The following JADE2 variants were observed in gnomAD, a reference collection of about 807,000 sequenced individuals.
JADE2 encodes jade family PHD finger 2, also known as E3 ubiquitin-protein ligase Jade-2.
In JADE2, 13 loss-of-function variants were observed where a neutral mutation model predicts 85.7. The ratio of observed to expected loss-of-function variants is 0.15; its 90% CI spans 0.10 to 0.24. JADE2 has a LOEUF of 0.24. Ranked by LOEUF, JADE2 falls within the 10% of genes least tolerant of loss-of-function variation. The pLI is 1.00. For synonymous variants in JADE2, 440 were observed against 456.1 expected (o/e 0.96, Z 0.45); for missense variants, 846 against 1,115.9 (o/e 0.76, Z 3.45).
chr5:134,577,180 C>T (rs1764427004), intron 11 of JADE2: 2 of 359,504 alleles, frequency 5.6e-6, no homozygotes, highest in East Asian at 1.1e-4. Context: ...GCTGGGGGGT[C>T]CTGGGTGCTG....
chr5:134,525,275 T>A (rs967558450), upstream of JADE2, among the ~76,000 whole-genome samples: 1 of 150,702 alleles, frequency 6.6e-6, no homozygotes, highest in Non-Finnish European at 1.5e-5. Context: ...GGTATGTGTG[T>A]GAGTGTGTGA....
intron 2 of JADE2, among the ~76,000 whole-genome samples, chr5:134,537,741 A>G (rs555721090): frequency 6.6e-5 from 10 of 152,054 alleles, no homozygotes; most frequent in Admixed American, 6.5e-4. Context: ...CACACATTAA[A>G]CTAATACTGA....
intron 3 of JADE2, among the ~76,000 whole-genome samples, chr5:134,542,662 G>A (rs370796689): frequency 2.9e-4 from 44 of 151,834 alleles, no homozygotes; most frequent in African/African-American, 1.0e-3. Context: ...GGGTGGTCTC[G>A]AACTCCCAAC....
At chr5:134,541,458 G>A (rs1761957369) in intron 3 of JADE2, among the ~76,000 whole-genome samples, 2 of 152,332 alleles carry the variant, frequency 1.3e-5, no homozygotes, top group Admixed American at 1.3e-4. Context: ...GGCCTTTATG[G>A]TCTGCTGAGC....
chr5:134,550,199 A>C (rs781358227), intron 3 of JADE2, among the ~76,000 whole-genome samples: 6 of 152,258 alleles, frequency 3.9e-5, no homozygotes, highest in Non-Finnish European at 5.9e-5. Flanking sequence ...ATTAAATGTT[A>C]GGGTGTTAGT....
chr5:134,562,125 C>T lies in JADE2; in HGVS notation c.685-75C>T, dbSNP rs566085194. 2 of 1,463,878 alleles carry T rather than the reference C, an allele frequency of 1.4e-6. No homozygotes were observed. The highest frequency in any genetic ancestry group is 1.9e-6 in the Non-Finnish European group (2 of 1,078,504). 90.7% of individuals were successfully genotyped at this position (1,463,878 alleles called of 1,614,324 possible). ...AGTGTAGCATGGGGCTGGCACTGGA[C>T]CAAATGCAGCTGACTGCTGACCAGA... is the stretch of plus-strand genomic sequence containing the variant. On this transcript the variant is annotated intron_variant, in intron 6 of 11. Coordinates refer to ENST00000681547, the MANE Select transcript of JADE2 (RefSeq NM_001388185.1). This position sits in a 1 kb window ranked among gnomAD's most constrained non-coding sequence, Gnocchi z 4.6.
chr5:134,563,718 C>T (rs973318755), intron 7 of JADE2, among the ~76,000 whole-genome samples: 2 of 152,192 alleles, frequency 1.3e-5, no homozygotes, highest in African/African-American at 4.8e-5. Flanking sequence ...CAGCAGTAGG[C>T]ACTTGCTTGC....
chr5:134,560,077 G>A, intron 5 of JADE2, 87 bp downstream of exon 5: 1 of 1,480,322 alleles, frequency 6.8e-7, no homozygotes. Flanking sequence ...GCCCAGGCAG[G>A]GCTATGGTAT....
rs762096404 is a variant in JADE2 at position 134,552,252 on chromosome 5, A to G, written c.311+43A>G. ...GGCTAGGGGGCCATTGGGACAGGGG[A>G]GGAAGGGGAGGCTGCTTTCCAGGTT... On this transcript the variant is annotated intron_variant, in intron 4 of 11. Transcript: ENST00000681547. 3.8e-6 allele frequency: 6 copies of G among 1,572,296 alleles called. No individual in the cohort carries two copies. The Admixed American group carries it at 1.2e-4, about 31-fold the overall frequency.
chr5:134,568,299 G>A (rs1054140105), intron 9 of JADE2, among the ~76,000 whole-genome samples: 2 of 152,198 alleles, frequency 1.3e-5, no homozygotes, highest in African/African-American at 4.8e-5. Flanking sequence ...CATTCCAAGG[G>A]TTTTGAGCTT....
chr5:134,534,175 C>T (rs1761438075), intron 1 of JADE2, among the ~76,000 whole-genome samples: 2 of 152,170 alleles, frequency 1.3e-5, no homozygotes, highest in Admixed American at 1.3e-4. Context: ...ACATCTTGGG[C>T]AGGTCACTTA....
At chr5:134,568,262 G>A (rs973701434) in intron 9 of JADE2, among the ~76,000 whole-genome samples, 1 of 152,222 alleles carries the variant, frequency 6.6e-6, no homozygotes, top group Non-Finnish European at 1.5e-5. Context: ...TCGGAGAGAC[G>A]AATAACAGGA....
intron 3 of JADE2, among the ~76,000 whole-genome samples, chr5:134,538,540 T>C (rs368034009): frequency 8.5e-5 from 13 of 152,290 alleles, no homozygotes; most frequent in African/African-American, 3.1e-4. Context: ...CAATTAGTCA[T>C]AGGTTCCTTA....
At chr5:134,536,473 G>A (rs1761592945) in intron 2 of JADE2, among the ~76,000 whole-genome samples, 1 of 152,222 alleles carries the variant, frequency 6.6e-6, no homozygotes, top group East Asian at 1.9e-4. Context: ...GTAGACTTGT[G>A]TATGGATTGG....
intron 3 of JADE2, among the ~76,000 whole-genome samples, chr5:134,539,549 C>T (rs913186200): frequency 5.3e-5 from 8 of 152,258 alleles, no homozygotes; most frequent in Admixed American, 1.3e-4. Context: ...AGTAGCCAGG[C>T]ACTGGGGCTG....
At chr5:134,569,129 A>G (rs1032043747) in intron 9 of JADE2, among the ~76,000 whole-genome samples, 1 of 152,204 alleles carries the variant, frequency 6.6e-6, no homozygotes, top group Non-Finnish European at 1.5e-5. Context: ...GTCACAGTGC[A>G]TGTGGGGGAC....
chr5:134,571,939 C>G (rs1406859935), intron 9 of JADE2, among the ~76,000 whole-genome samples: 1 of 152,226 alleles, frequency 6.6e-6, no homozygotes, highest in Non-Finnish European at 1.5e-5. Context: ...ACGCCTTGCT[C>G]AGCACCCCCA....
intron 10 of JADE2, 158 bp downstream of exon 10, chr5:134,573,920 C>T (rs772520939): frequency 2.8e-6 from 2 of 715,266 alleles, no homozygotes; most frequent in Admixed American, 4.0e-5. Context: ...AATTAGTAGG[C>T]CCAGACGGGG....
chr5:134,535,041 C>G (rs972338138), intron 1 of JADE2, among the ~76,000 whole-genome samples: 4 of 152,228 alleles, frequency 2.6e-5, no homozygotes, highest in African/African-American at 9.6e-5. Flanking sequence ...CACTTACTAG[C>G]AGGACAAGGT....
Sources: allele counts gnomAD v4.1 joint callset (sites outside exome capture counted in the v4.1 genomes callset), GRCh38; gene constraint gnomAD v4.1.1; non-coding constraint Gnocchi (gnomAD v3.1); transcripts MANE v1.5; gene names NCBI Gene and HGNC (gene_info 2026-07-23, HGNC 2026-07-21).